PDE8A: variants seen among roughly 807,000 people sequenced by gnomAD.
PDE8A encodes the protein high affinity cAMP-specific and IBMX-insensitive 3',5'-cyclic phosphodiesterase 8A.
A neutral mutation model predicts 105.0 loss-of-function variants in PDE8A; 59 were observed. That is an observed-to-expected ratio of 0.56 (90% confidence interval 0.46 to 0.70). The LOEUF (loss-of-function observed/expected upper bound fraction) is 0.70, where lower values mean the gene tolerates loss of function less well. Ranked by LOEUF, PDE8A falls within the 30% of genes least tolerant of loss-of-function variation. The pLI is 0.00. For missense variants in PDE8A, 1,014 were observed against 1,045.9 expected (o/e 0.97, Z 0.42); for synonymous variants, 355 against 371.9 (o/e 0.95, Z 0.52).
chr15:85,052,859 T>A (rs1268923513), intron 1 of PDE8A, among the ~76,000 whole-genome samples: 1 of 152,244 alleles, frequency 6.6e-6, no homozygotes, highest in Non-Finnish European at 1.5e-5. Flanking sequence ...TGGCTTTTGT[T>A]GCCATTGCTT....
In PDE8A at chr15:85,100,053, A is replaced by G. The variant is rs769036634; in HGVS notation, c.980A>G (p.Asn327Ser). The change falls in exon 10 of 22, where the codon AAT (asparagine) becomes AGT (serine). Residue 327 changes from asparagine to serine, a missense_variant. Physicochemically the swap from Asn to Ser is conservative, Grantham distance 46. Coordinates refer to ENST00000394553, the MANE Select transcript of PDE8A (RefSeq NM_002605.3). The stretch of plus-strand genomic sequence containing the variant: ...TATGTGTCCATTATCAGAGTGTGCA[A>G]TGGCAACAATAAGGTACGTAAGGAG... Reference protein sequence around the residue: ...RHYVSIIRVCNGNNKAEKISE... With the variant: ...RHYVSIIRVCSGNNKAEKISE... The G allele has an allele frequency of 1.2e-5, 20 of 1,613,698 alleles. No individual in the cohort carries two copies. The highest frequency in any genetic ancestry group is 8.3e-5 in the Admixed American group (5 of 59,964).
chr15:85,024,132 C>A (rs1360654716), intron 1 of PDE8A, among the ~76,000 whole-genome samples: 4 of 152,168 alleles, frequency 2.6e-5, no homozygotes, highest in Non-Finnish European at 4.4e-5. Flanking sequence ...GCTCTGAGAT[C>A]ACCTCTTCCG....
At chr15:85,071,637 C>G (rs759426133) in intron 3 of PDE8A, among the ~76,000 whole-genome samples, 7 of 152,180 alleles carry the variant, frequency 4.6e-5, no homozygotes, top group Non-Finnish European at 1.0e-4. Context: ...TCTCCAAGCC[C>G]GAACTGTGCT....
chr15:85,025,433 T>A (rs2080499807), intron 1 of PDE8A, among the ~76,000 whole-genome samples: 1 of 150,170 alleles, frequency 6.7e-6, no homozygotes, highest in South Asian at 2.1e-4. Flanking sequence ...GGGGGGTGGG[T>A]AGGGGGTGTG....
At chr15:85,096,121 C>T (rs1280686376) in intron 8 of PDE8A, among the ~76,000 whole-genome samples, 7 of 151,372 alleles carry the variant, frequency 4.6e-5, no homozygotes, top group South Asian at 2.1e-4. Flanking sequence ...GTGATCCACT[C>T]GCCTCAGCCT....
chr15:85,021,007 T>A (rs1046190543), intron 1 of PDE8A, among the ~76,000 whole-genome samples: 1 of 152,184 alleles, frequency 6.6e-6, no homozygotes, highest in Non-Finnish European at 1.5e-5. Context: ...AAATTCTTGT[T>A]GAAACCTAAT....
chr15:85,013,003 C>G (rs1207661375), intron 1 of PDE8A, among the ~76,000 whole-genome samples: 1 of 152,186 alleles, frequency 6.6e-6, no homozygotes, highest in African/African-American at 2.4e-5. Flanking sequence ...ACAGCCCCAT[C>G]CACAGTTAAA....
In PDE8A at chr15:85,076,762, CT is replaced by C; in HGVS notation, c.524del (p.Phe175SerfsTer11). Reference protein sequence around the residue: ...RVDREELSVMPFISAGFTRRY... With the variant: ...RVDREELSVMXFISAGFTRRY... ...GATAGAGAAGAGTTGTCCGTAATGCCTTTCATTTCTGCTGGATTTACAAGGG... is the reference window on the plus strand; with the variant it reads ...GATAGAGAAGAGTTGTCCGTAATGCCTTCATTTCTGCTGGATTTACAAGGG... On this transcript the variant is annotated frameshift_variant, in exon 5 of 22. Coordinates refer to ENST00000394553, the MANE Select transcript of PDE8A (RefSeq NM_002605.3). LOFTEE classifies it high-confidence loss of function. 1 of 1,595,080 alleles carries C rather than the reference CT, an allele frequency of 6.3e-7. No homozygotes were observed. The highest frequency in any genetic ancestry group is 8.6e-7 in the Non-Finnish European group (1 of 1,162,826).
intron 1 of PDE8A, among the ~76,000 whole-genome samples, chr15:84,986,201 T>G (rs1446104945): frequency 2.0e-5 from 3 of 152,170 alleles, no homozygotes; most frequent in African/African-American, 7.2e-5. Context: ...CACTCCAGCC[T>G]GGGCAACAGA....
intron 1 of PDE8A, among the ~76,000 whole-genome samples, chr15:85,022,911 A>G (rs2080452521): frequency 6.6e-6 from 1 of 152,178 alleles, no homozygotes; most frequent in Non-Finnish European, 1.5e-5. Context: ...AGATGAAGAT[A>G]TATGAACATG....
intron 8 of PDE8A, among the ~76,000 whole-genome samples, chr15:85,092,446 T>C (rs2081661791): frequency 6.6e-6 from 1 of 151,690 alleles, no homozygotes; most frequent in African/African-American, 2.4e-5. Flanking sequence ...ACCATGTAGG[T>C]GAGGGCAAGT....
At chr15:85,009,305 C>A (rs756339630) in intron 1 of PDE8A, among the ~76,000 whole-genome samples, 5 of 152,114 alleles carry the variant, frequency 3.3e-5, no homozygotes, top group Non-Finnish European at 7.4e-5. Flanking sequence ...TAAAGTCTTT[C>A]TTTTCAAAGT....
chr15:85,025,470 G>GT (rs1242179876), intron 1 of PDE8A, among the ~76,000 whole-genome samples: 1 of 152,016 alleles, frequency 6.6e-6, no homozygotes, highest in Non-Finnish European at 1.5e-5. Flanking sequence ...TGTTATTATC[G>GT]TAACTAGTGA....
At chr15:85,032,051 T>TA (rs779885352) in intron 1 of PDE8A, among the ~76,000 whole-genome samples, 3 of 152,244 alleles carry the variant, frequency 2.0e-5, no homozygotes, top group Non-Finnish European at 4.4e-5. Context: ...AAGTTGTCTC[T>TA]AAGGTCTGCT....
At position 85,138,356 on chromosome 15, in the gene PDE8A, TGA is replaced by T. The variant is rs1210156260; in HGVS notation, c.*457_*458del. On this transcript the variant is annotated 3_prime_UTR_variant, in exon 22 of 22. Coordinates refer to ENST00000394553, the MANE Select transcript of PDE8A (RefSeq NM_002605.3). ...GCAATCGCTCACTTGGGAACACTAC[TGA>T]GAGTGACTTCTCTTTTAAAATTGAG... 6.5e-6 allele frequency: 1 copy of T among 153,252 alleles called. No homozygotes were observed. The highest frequency in any genetic ancestry group is 1.5e-5 in the Non-Finnish European group (1 of 68,478). 9.5% of individuals were successfully genotyped at this position (153,252 alleles called of 1,614,324 possible). A position where few individuals can be genotyped will look rare whatever the true frequency, so the allele number is the denominator to read the frequency against.
In PDE8A at chr15:85,078,548, CAAAAAAAAAAAAAAA is replaced by C. The variant is rs72174562; in HGVS notation, c.546+1769_546+1783del. Among the ~76,000 whole-genome samples, 7 of 94,360 alleles carry C rather than the reference CAAAAAAAAAAAAAAA, an allele frequency of 7.4e-5. No individual in the cohort carries two copies. The South Asian group carries it at 1.4e-3, about 19-fold the overall frequency. 61.9% of individuals were successfully genotyped at this position (94,360 alleles called of 152,430 possible). ...CTGGCAACAGAGCGATACTCCATCTCAAAAAAAAAAAAAAAAAAAAAAGAAAGAAAAGAAAAGAAC... is the reference window on the plus strand; with the variant it reads ...CTGGCAACAGAGCGATACTCCATCTCAAAAAAAGAAAGAAAAGAAAAGAAC... On this transcript the variant is annotated intron_variant, in intron 5 of 21. Transcript: ENST00000394553.
intron 6 of PDE8A, 139 bp from the exon 7 acceptor site, chr15:85,089,199 T>G: frequency 1.7e-6 from 1 of 604,834 alleles, no homozygotes. Context: ...CAGGGGGGTG[T>G]TTATTTCTTT....
At chr15:84,991,521 A>G (rs1221002121) in intron 1 of PDE8A, among the ~76,000 whole-genome samples, 2 of 152,242 alleles carry the variant, frequency 1.3e-5, no homozygotes, top group South Asian at 2.1e-4. Flanking sequence ...AAATTAGTTC[A>G]ACTACTAGGG....
intron 1 of PDE8A, among the ~76,000 whole-genome samples, chr15:84,995,274 G>T: frequency 6.7e-6 from 1 of 149,934 alleles, no homozygotes. Flanking sequence ...GATTAGTTTT[G>T]CCTGTTCTAA....
Sources: allele counts gnomAD v4.1 joint callset (sites outside exome capture counted in the v4.1 genomes callset), GRCh38; gene constraint gnomAD v4.1.1; transcripts MANE v1.5; gene names NCBI Gene and HGNC (gene_info 2026-07-23, HGNC 2026-07-21).